Variants in CELF2 observed in about 807,000 individuals in gnomAD.
CELF2 encodes the protein CUG triplet repeat RNA-binding protein 2.
CELF2 carries 8 observed loss-of-function variants against 62.6 expected under a neutral mutation model. The observed-to-expected ratio is 0.13, with a 90% CI of 0.07 to 0.23. CELF2 has a LOEUF of 0.23. Ranked by LOEUF, CELF2 falls within the 10% of genes least tolerant of loss-of-function variation. The pLI, the probability that CELF2 is intolerant of heterozygous loss-of-function variation, is 1.00. For missense variants in CELF2, 333 were observed against 671.0 expected (o/e 0.50, Z 5.56); for synonymous variants, 258 against 250.0 (o/e 1.03, Z -0.30).
chr10:10,887,624 T>G (rs1351860513), intron 1 of CELF2, among the ~76,000 whole-genome samples: 1 of 152,236 alleles, frequency 6.6e-6, no homozygotes, highest in Non-Finnish European at 1.5e-5. Context: ...TAGAATATTA[T>G]GCACACTTGG....
At chr10:10,898,211 G>A (rs530226016) in intron 1 of CELF2, among the ~76,000 whole-genome samples, 39 of 152,256 alleles carry the variant, frequency 2.6e-4, no homozygotes, top group African/African-American at 6.7e-4. Context: ...GTCCACAGAC[G>A]GACAAGAATT....
At chr10:10,741,617 G>A in the CELF2 span, among the ~76,000 whole-genome samples, 230 of 152,132 alleles carry the variant, frequency 1.5e-3, 1 homozygote, top group Non-Finnish European at 2.7e-3. Context: ...ACAGCTATGG[G>A]TTTTGGCAAG....
the CELF2 span, among the ~76,000 whole-genome samples, chr10:10,525,035 T>C: frequency 6.6e-6 from 1 of 152,224 alleles, no homozygotes; most frequent in African/African-American, 2.4e-5. Flanking sequence ...TTGTATGTAC[T>C]TATGGGATAC....
chr10:10,494,225 A>G, the CELF2 span, among the ~76,000 whole-genome samples: 291 of 152,350 alleles, frequency 1.9e-3, no homozygotes, highest in African/African-American at 6.4e-3. Context: ...GTTTCCTTTC[A>G]AAGGAAGGGA....
chr10:10,921,630 A>C lies in CELF2; in HGVS notation c.89+1631A>C, dbSNP rs560181270. ...ATCTAAATGTGCAGAAGACATCAGG[A>C]GAGAGGGGAAGAGGACGGAGTCCCT... is the stretch of plus-strand genomic sequence containing the variant. On this transcript the variant is annotated intron_variant, in intron 2 of 13. Coordinates refer to the CELF2 transcript ENST00000636488. 1.9e-3 allele frequency among the ~76,000 whole-genome samples: 282 copies of C among 152,096 alleles called. 5 individuals carry two copies. The highest frequency in any genetic ancestry group is 6.5e-3 in the African/African-American group (268 of 41,486).
chr10:10,701,402 A>G, the CELF2 span, among the ~76,000 whole-genome samples: 15 of 152,250 alleles, frequency 9.9e-5, no homozygotes, highest in African/African-American at 3.6e-4. Context: ...TTCACTTGTC[A>G]GAAAGGGTCA....
intron 2 of CELF2, among the ~76,000 whole-genome samples, chr10:10,968,757 G>C (rs1240707289): frequency 3.3e-5 from 5 of 151,958 alleles, no homozygotes; most frequent in African/African-American, 1.2e-4. Flanking sequence ...CATTTATCGT[G>C]GTGGGACCAT....
intron 1 of CELF2, among the ~76,000 whole-genome samples, chr10:11,100,314 T>C (rs1271267016): frequency 6.6e-6 from 1 of 152,106 alleles, no homozygotes; most frequent in Non-Finnish European, 1.5e-5. Context: ...GTGATGCTAA[T>C]TGTAGAAAAT....
chr10:11,165,832 G>A lies in CELF2; in HGVS notation c.271+150G>A, dbSNP rs911104006. The A allele has an allele frequency of 5.1e-5, 37 of 723,700 alleles. No individual in the cohort carries two copies. The highest frequency in any genetic ancestry group is 9.2e-5 in the Admixed American group (3 of 32,478). 44.8% of individuals were successfully genotyped at this position (723,700 alleles called of 1,614,324 possible). A position where few individuals can be genotyped will look rare whatever the true frequency, so the allele number is the denominator to read the frequency against. On this transcript the variant is annotated intron_variant, in intron 2 of 12. Transcript: ENST00000633077. This position sits in a 1 kb window ranked among gnomAD's most constrained non-coding sequence, Gnocchi z 7.4. Reference sequence around the variant, plus strand: ...TGGCGGCCCCTGTGCTCCAGGGGCTGCTCCCGACTCCTCCCCGCACCCCCG... The same window carrying A: ...TGGCGGCCCCTGTGCTCCAGGGGCTACTCCCGACTCCTCCCCGCACCCCCG...
rs766602938 is a variant in CELF2 at position 11,191,543 on chromosome 10, A to G, written c.271+25861A>G. On this transcript the variant is annotated intron_variant, in intron 2 of 12. Coordinates refer to ENST00000633077, the MANE Select transcript of CELF2 (RefSeq NM_001326342.2). This position sits in a 1 kb window ranked among gnomAD's most constrained non-coding sequence, Gnocchi z 4.1. ...GTGACCTATCAAGGGGGCATACAACAGGGACACCACCTTGAAATCTGAAGT... is the reference window on the plus strand; with the variant it reads ...GTGACCTATCAAGGGGGCATACAACGGGGACACCACCTTGAAATCTGAAGT... Among the ~76,000 whole-genome samples, 1 of 152,128 alleles carries G rather than the reference A, an allele frequency of 6.6e-6. No homozygotes were observed. The highest frequency in any genetic ancestry group is 1.5e-5 in the Non-Finnish European group (1 of 68,026).
Position 11,207,249 on chromosome 10 carries a change from A to G in CELF2, c.272-10176A>G, listed in dbSNP as rs77569298. Among the ~76,000 whole-genome samples the G allele has an allele frequency of 6.6e-6, 1 of 152,208 alleles. No individual in the cohort carries two copies. Among genetic ancestry groups the G allele is most frequent in the Non-Finnish European group, 1.5e-5 (1 of 68,022 alleles). On this transcript the variant is annotated intron_variant, in intron 2 of 12. Coordinates refer to ENST00000633077, the MANE Select transcript of CELF2 (RefSeq NM_001326342.2). The surrounding 1 kb of genome is among the most constrained non-coding windows in gnomAD (Gnocchi z 4.1). ...AATGCAGTCGATTTAATCTAGGTCA[A>G]AAGGAAAGAAAGAAACTCCATTTTC...
intron 1 of CELF2, among the ~76,000 whole-genome samples, chr10:11,078,281 C>T (rs752973195): frequency 2.0e-5 from 3 of 151,980 alleles, no homozygotes; most frequent in Non-Finnish European, 2.9e-5. Context: ...AATGGGAAAT[C>T]GAGTTCAACA....
intron 2 of CELF2, chr10:10,946,788 A>G (rs547627780): frequency 7.9e-5 from 12 of 152,350 alleles, no homozygotes; most frequent in African/African-American, 2.2e-4. Context: ...GTACTTACCT[A>G]AGTTCATACA....
chr10:10,463,899 T>C, the CELF2 span, among the ~76,000 whole-genome samples: 5 of 151,410 alleles, frequency 3.3e-5, no homozygotes, highest in Admixed American at 2.6e-4. Context: ...ACTAGAAATG[T>C]AATGGGGAGG....
the CELF2 span, among the ~76,000 whole-genome samples, chr10:10,782,005 T>G: frequency 6.6e-6 from 1 of 152,220 alleles, no homozygotes; most frequent in African/African-American, 2.4e-5. Flanking sequence ...TTTTATTCGG[T>G]ATTTTAAGTA....
intron 1 of CELF2, among the ~76,000 whole-genome samples, chr10:11,019,777 A>G (rs1431651368): frequency 6.6e-6 from 1 of 152,168 alleles, no homozygotes; most frequent in African/African-American, 2.4e-5. Flanking sequence ...ATTTGTTTTA[A>G]GAGACCTCTG....
the CELF2 span, among the ~76,000 whole-genome samples, chr10:10,640,991 G>C: frequency 2.0e-5 from 3 of 152,124 alleles, no homozygotes; most frequent in Non-Finnish European, 4.4e-5. Flanking sequence ...ACATGAGTAT[G>C]ATAAACCGTC....
intron 1 of CELF2, among the ~76,000 whole-genome samples, chr10:11,164,227 C>T (rs1403785146): frequency 6.6e-6 from 1 of 152,146 alleles, no homozygotes; most frequent in Non-Finnish European, 1.5e-5. Flanking sequence ...TGTCACTTGG[C>T]AGAGTAGCTG....
At chr10:10,733,165 A>C in the CELF2 span, among the ~76,000 whole-genome samples, 1 of 151,974 alleles carries the variant, frequency 6.6e-6, no homozygotes, top group Non-Finnish European at 1.5e-5. Flanking sequence ...TTCGGCCCCC[A>C]CATTCTACCT....
Sources: allele counts gnomAD v4.1 joint callset (sites outside exome capture counted in the v4.1 genomes callset), GRCh38; gene constraint gnomAD v4.1.1; non-coding constraint Gnocchi (gnomAD v3.1); transcripts MANE v1.5; gene names NCBI Gene and HGNC (gene_info 2026-07-23, HGNC 2026-07-21).